LMAN1L: variants seen among roughly 807,000 people sequenced by gnomAD.
LMAN1L encodes the protein protein ERGIC-53-like.
LMAN1L carries 60 observed loss-of-function variants against 58.3 expected under a neutral mutation model. The observed-to-expected ratio is 1.03, with a 90% CI of 0.84 to 1.27. LMAN1L has a LOEUF of 1.27. LMAN1L is among the 50% of genes most tolerant of loss of function. The pLI is 0.00. For synonymous variants in LMAN1L, 280 were observed against 271.6 expected, an observed-to-expected ratio of 1.03 and a Z score of -0.31; for missense variants, 629 against 674.0, an observed-to-expected ratio of 0.93 and a Z score of 0.74.
intron 1 of LMAN1L, among the ~76,000 whole-genome samples, chr15:74,815,895 G>A (rs534676641): frequency 1.3e-5 from 2 of 152,294 alleles, no homozygotes; most frequent in East Asian, 1.9e-4. Context: ...TGTTAGATGG[G>A]GTCTTATAAA....
At chr15:74,824,234 G>C in intron 12 of LMAN1L, 117 bp from the exon 13 acceptor site, 3 of 974,086 alleles carry the variant, frequency 3.1e-6, no homozygotes, top group Non-Finnish European at 4.6e-6. Context: ...CTGGATGAGA[G>C]CCAGGACGCC....
rs934831138 is a variant in LMAN1L at position 74,812,896 on chromosome 15, C to T, written c.42C>T (p.Leu14=). The change falls in exon 1 of 14, where the codon CTC becomes CTT. Residue 14 remains leucine (L), a synonymous_variant. Coordinates refer to ENST00000309664, the MANE Select transcript of LMAN1L (RefSeq NM_021819.3). ...GTCCAGGTCCCTTATTCTGCCTTCT[C>T]CTCCTGCTCCTGGACCCCCACAGCC... The part of the protein sequence containing the change: ...VSGPGPLFCL[L]LLLLDPHSPE... 1 of 1,613,136 alleles carries T rather than the reference C, an allele frequency of 6.2e-7. No individual in the cohort carries two copies. Among genetic ancestry groups the T allele is most frequent in the Admixed American group, 1.7e-5 (1 of 59,892 alleles).
At chr15:74,816,767 G>C in intron 4 of LMAN1L, 77 bp downstream of exon 4, 1 of 1,399,844 alleles carries the variant, frequency 7.1e-7, no homozygotes, top group Non-Finnish European at 9.8e-7. Context: ...CCGAGCCCCT[G>C]CCCCAGCCTC....
At chr15:74,813,187 G>T (rs1169871398) in intron 1 of LMAN1L, 158 bp downstream of exon 1, 2 of 731,924 alleles carry the variant, frequency 2.7e-6, no homozygotes, top group Non-Finnish European at 2.3e-6. Context: ...TTCCAGGCTT[G>T]TCTCCTGCTC....
chr15:74,824,534 C>T (rs1411453264), intron 13 of LMAN1L, 56 bp downstream of exon 13: 18 of 1,601,022 alleles, frequency 1.1e-5, no homozygotes, highest in Non-Finnish European at 1.5e-5. Flanking sequence ...TGGTTCTCAG[C>T]TATAACCATT....
rs769336542 is a variant in LMAN1L, at chr15:74,816,251, C to T, written c.270C>T (p.Ala90=). 7 of 1,607,374 alleles carry T rather than the reference C, an allele frequency of 4.4e-6. No homozygotes were observed. The highest frequency in any genetic ancestry group is 1.1e-5 in the South Asian group (1 of 90,124). ...VWSRASVPFS[A]WEVEVQMRVT... Reference sequence around the variant, plus strand: ...GCAGGGCCTCTGTCCCCTTCTCTGCCTGGGAAGTAGAGGTGCAGATGAGGG... The same window carrying T: ...GCAGGGCCTCTGTCCCCTTCTCTGCTTGGGAAGTAGAGGTGCAGATGAGGG... Residue 90 remains alanine, a synonymous_variant, in exon 2 of 14, where the codon GCC becomes GCT. Coordinates refer to ENST00000309664, the MANE Select transcript of LMAN1L (RefSeq NM_021819.3).
Position 74,812,875 on chromosome 15 carries a change from A to G in LMAN1L, c.21A>G (p.Pro7=). 2 of 1,609,692 alleles carry G rather than the reference A, an allele frequency of 1.2e-6. No individual in the cohort carries two copies. The highest frequency in any genetic ancestry group is 1.7e-6 in the Non-Finnish European group (2 of 1,177,454). MPAVSG[P]GPLFCLLLLL... is the part of the protein sequence containing the mutation. Reference sequence around the variant, plus strand: ...TCACGATGCCGGCGGTCAGTGGTCCAGGTCCCTTATTCTGCCTTCTCCTCC... The same window carrying G: ...TCACGATGCCGGCGGTCAGTGGTCCGGGTCCCTTATTCTGCCTTCTCCTCC... The change falls in exon 1 of 14, where the codon CCA becomes CCG. Residue 7 remains proline (P), a synonymous_variant. Transcript: ENST00000309664.
intron 10 of LMAN1L, 104 bp downstream of exon 10, chr15:74,822,004 A>C (rs759664498): frequency 1.3e-6 from 1 of 763,142 alleles, no homozygotes; most frequent in African/African-American, 1.7e-5. Context: ...TGCTTCCTTC[A>C]GGGGACAGAA....
rs765167675 is a variant in LMAN1L at position 74,825,550 on chromosome 15, C to G, written c.1526C>G (p.Pro509Arg). The G allele has an allele frequency of 5.0e-6, 8 of 1,613,598 alleles. No homozygotes were observed. The highest frequency in any genetic ancestry group is 4.2e-6 in the Non-Finnish European group (5 of 1,179,698). The change falls in exon 14 of 14, where the codon CCC (proline) becomes CGC (arginine). Residue 509 changes from proline (P) to arginine (R), a missense_variant. Transcript: ENST00000309664. ...CCTCTGGGTCCTGCACCACACACCCCCAGGGCCCTGGGGATTCTGAGGAGG... is the reference window on the plus strand; with the variant it reads ...CCTCTGGGTCCTGCACCACACACCCGCAGGGCCCTGGGGATTCTGAGGAGG... ...SLPLGPAPHT[P>R]RALGILRRQP... is the part of the protein sequence containing the mutation.
chr15:74,819,120 C>T (rs1239517648), intron 5 of LMAN1L, 32 bp from the exon 6 acceptor site: 3 of 1,579,452 alleles, frequency 1.9e-6, no homozygotes, highest in Non-Finnish European at 1.7e-6. Context: ...TAGGGACACC[C>T]CCCCACTGCT....
chr15:74,815,003 T>C (rs756509031), intron 1 of LMAN1L, among the ~76,000 whole-genome samples: 7 of 152,212 alleles, frequency 4.6e-5, no homozygotes, highest in Non-Finnish European at 8.8e-5. Flanking sequence ...TCACAGATCA[T>C]GTGAGGGAGC....
In LMAN1L at chr15:74,812,886, T is replaced by C. The variant is rs562811750; in HGVS notation, c.32T>C (p.Phe11Ser). The change falls in exon 1 of 14, where the codon TTC (phenylalanine) becomes TCC (serine). Residue 11 changes from phenylalanine (F) to serine (S), a missense_variant. Phe to Ser is a radical substitution (Grantham distance 155). Coordinates refer to ENST00000309664, the MANE Select transcript of LMAN1L (RefSeq NM_021819.3). Reference sequence around the variant, plus strand: ...GCGGTCAGTGGTCCAGGTCCCTTATTCTGCCTTCTCCTCCTGCTCCTGGAC... The same window carrying C: ...GCGGTCAGTGGTCCAGGTCCCTTATCCTGCCTTCTCCTCCTGCTCCTGGAC... Reference protein sequence around the residue: MPAVSGPGPLFCLLLLLLDPH... With the variant: MPAVSGPGPLSCLLLLLLDPH... The C allele has an allele frequency of 1.2e-5, 20 of 1,612,338 alleles. No homozygotes were observed. In the African/African-American group the frequency reaches 2.0e-4, roughly 16 times the overall value.
chr15:74,813,168 C>A, intron 1 of LMAN1L, 139 bp downstream of exon 1: 1 of 913,454 alleles, frequency 1.1e-6, no homozygotes, highest in Non-Finnish European at 1.7e-6. Flanking sequence ...CCAGGCACCC[C>A]AGGACCCCTT....
At chr15:74,815,542 C>G (rs1298664987) in intron 1 of LMAN1L, among the ~76,000 whole-genome samples, 2 of 152,232 alleles carry the variant, frequency 1.3e-5, no homozygotes, top group Non-Finnish European at 2.9e-5. Context: ...TCATCGCAGT[C>G]CTGTGGGCCG....
rs201975832 is a variant in LMAN1L, at chr15:74,816,639, C to T, written c.446C>T (p.Pro149Leu). The change falls in exon 4 of 14, where the codon CCT becomes CTT. Residue 149 changes from proline (P) to leucine (L), a missense_variant. Physicochemically the swap from Pro to Leu is moderately conservative, Grantham distance 98. This residue lies in a region of LMAN1L where 573 missense variants were observed against 597.3 expected (regional missense o/e 0.96). Transcript: ENST00000309664. ...DSPAEDTQDS[P>L]AIRVLASDGH... Reference sequence around the variant, plus strand: ...CTTCTCACCTCCCTGCAGGACAGTCCTGCCATCCGTGTGCTGGCCAGCGAC... The same window carrying T: ...CTTCTCACCTCCCTGCAGGACAGTCTTGCCATCCGTGTGCTGGCCAGCGAC... The T allele has an allele frequency of 1.9e-6, 3 of 1,613,826 alleles. No individual in the cohort carries two copies. In the East Asian group the frequency reaches 6.7e-5, roughly 36 times the overall value.
At chr15:74,816,601 G>A (rs1042587316) in intron 3 of LMAN1L, 31 bp from the exon 4 acceptor site, 3 of 1,605,994 alleles carry the variant, frequency 1.9e-6, no homozygotes, top group Middle Eastern at 1.7e-4. Flanking sequence ...CGCCATGTCC[G>A]CGGCTCAGGC....
At chr15:74,814,198 C>CT (rs567071080) in intron 1 of LMAN1L, among the ~76,000 whole-genome samples, 2,504 of 146,032 alleles carry the variant, frequency 0.017, 36 homozygotes, top group Non-Finnish European at 0.024. Flanking sequence ...CAAAATATCC[C>CT]TTTTTTTTTT....
At chr15:74,819,382 C>T (rs770383663) in intron 6 of LMAN1L, 110 bp downstream of exon 6, 2 of 1,392,986 alleles carry the variant, frequency 1.4e-6, no homozygotes, top group African/African-American at 1.4e-5. Flanking sequence ...ACCACATGAC[C>T]TGGGCTTCTG....
intron 12 of LMAN1L, chr15:74,823,914 CA>C: frequency 3.6e-6 from 2 of 551,118 alleles, no homozygotes; most frequent in East Asian, 3.1e-5. Context: ...CCCACAGACT[CA>C]GCAGCAGCAG....
Sources: allele counts gnomAD v4.1 joint callset (sites outside exome capture counted in the v4.1 genomes callset), GRCh38; gene constraint gnomAD v4.1.1; regional missense constraint gnomAD v4.1.1; transcripts MANE v1.5; gene names NCBI Gene and HGNC (gene_info 2026-07-23, HGNC 2026-07-21).